Variants in GLCCI1 observed in about 807,000 individuals in gnomAD.
GLCCI1 encodes the protein glucocorticoid induced 1.
A neutral mutation model predicts 52.2 loss-of-function variants in GLCCI1; 24 were observed. The ratio of observed to expected loss-of-function variants is 0.46; its 90% CI spans 0.33 to 0.65. The LOEUF (loss-of-function observed/expected upper bound fraction) is 0.65, where lower values mean the gene tolerates loss of function less well. Ranked by LOEUF, GLCCI1 falls within the 30% of genes least tolerant of loss-of-function variation. The pLI, the probability that GLCCI1 is intolerant of heterozygous loss-of-function variation, is 0.02. For synonymous variants in GLCCI1, 310 were observed against 276.5 expected (o/e 1.12, Z -1.20); for missense variants, 704 against 701.5 (o/e 1.00, Z -0.04).
At chr7:8,024,299 C>T (rs10278864) in intron 3 of GLCCI1, among the ~76,000 whole-genome samples, 2,070 of 152,156 alleles carry the variant, frequency 0.014, 39 homozygotes, top group African/African-American at 0.048. Context: ...ATGTAGAGAC[C>T]TACTCAGCTC....
At chr7:8,074,718 T>C (rs1782838379) in intron 6 of GLCCI1, among the ~76,000 whole-genome samples, 1 of 152,206 alleles carries the variant, frequency 6.6e-6, no homozygotes, top group South Asian at 2.1e-4. Flanking sequence ...CTATAATGTA[T>C]GTTTTCTACA....
intron 3 of GLCCI1, among the ~76,000 whole-genome samples, chr7:8,028,780 G>T (rs780066287): frequency 3.3e-5 from 5 of 151,940 alleles, no homozygotes; most frequent in African/African-American, 1.2e-4. Context: ...CTTTACAGCC[G>T]ATACCACAGA....
chr7:7,986,234 C>T (rs1483008855), intron 1 of GLCCI1, among the ~76,000 whole-genome samples: 2 of 151,842 alleles, frequency 1.3e-5, no homozygotes, highest in African/African-American at 4.8e-5. Flanking sequence ...CTAGTGTGGC[C>T]AGGCACAGTG....
At chr7:8,007,690 T>C (rs528170642) in intron 2 of GLCCI1, among the ~76,000 whole-genome samples, 49 of 152,346 alleles carry the variant, frequency 3.2e-4, no homozygotes, top group African/African-American at 1.2e-3. Context: ...GGTGGTATAC[T>C]CAGCTTGCTA....
At chr7:8,043,079 C>T (rs973927919) in intron 3 of GLCCI1, among the ~76,000 whole-genome samples, 1 of 152,166 alleles carries the variant, frequency 6.6e-6, no homozygotes, top group African/African-American at 2.4e-5. Context: ...TTGTAACTTG[C>T]TGAAGACTCA....
At chr7:8,082,782 C>T (rs553033634) in intron 6 of GLCCI1, among the ~76,000 whole-genome samples, 1 of 152,226 alleles carries the variant, frequency 6.6e-6, no homozygotes, top group African/African-American at 2.4e-5. Flanking sequence ...ATTACTTATT[C>T]TAGATTGTTA....
chr7:7,985,391 C>G (rs1780702242), intron 1 of GLCCI1, among the ~76,000 whole-genome samples: 4 of 152,148 alleles, frequency 2.6e-5, no homozygotes, highest in Admixed American at 2.6e-4. Flanking sequence ...TTCATGATCA[C>G]TTTTTCATAA....
At chr7:8,001,984 A>G (rs912036589) in intron 1 of GLCCI1, among the ~76,000 whole-genome samples, 32 of 152,166 alleles carry the variant, frequency 2.1e-4, no homozygotes, top group African/African-American at 7.2e-4. Flanking sequence ...ATTAGGAGAA[A>G]TCCCTAATGT....
At chr7:8,074,063 T>A (rs1782823209) in intron 6 of GLCCI1, among the ~76,000 whole-genome samples, 1 of 152,220 alleles carries the variant, frequency 6.6e-6, no homozygotes, top group Admixed American at 6.5e-5. Context: ...GTTTATGTAT[T>A]TCAACTGAGG....
intron 1 of GLCCI1, among the ~76,000 whole-genome samples, chr7:7,979,203 C>A (rs981853923): frequency 6.6e-6 from 1 of 152,050 alleles, no homozygotes; most frequent in Non-Finnish European, 1.5e-5. Flanking sequence ...TGCAATATTT[C>A]GATCATAGAG....
chr7:8,033,273 A>G (rs1004515555), intron 3 of GLCCI1, among the ~76,000 whole-genome samples: 3 of 152,088 alleles, frequency 2.0e-5, no homozygotes, highest in African/African-American at 4.8e-5. Context: ...GATAAACTGC[A>G]TTTATGAAAA....
At position 8,086,287 on chromosome 7, in the gene GLCCI1, C is replaced by T. The variant is rs2127970569; in HGVS notation, c.1393C>T (p.Leu465Phe). The T allele has an allele frequency of 1.2e-6, 2 of 1,614,150 alleles. No individual in the cohort carries two copies. Among genetic ancestry groups the T allele is most frequent in the Middle Eastern group, 1.6e-4 (1 of 6,062 alleles). The change falls in exon 8 of 8, where the codon CTT (leucine) becomes TTT (phenylalanine). Residue 465 changes from leucine to phenylalanine, a missense_variant. This residue lies in a region of GLCCI1 where 149 missense variants were observed against 152.9 expected (regional missense o/e 0.97). Coordinates refer to ENST00000223145, the MANE Select transcript of GLCCI1 (RefSeq NM_138426.4). This position sits in a 1 kb window ranked among gnomAD's most constrained non-coding sequence, Gnocchi z 4.4. ...PTGSAFCPVK[L>F]LGPLLPASDL... ...CGGATCAGCTTTCTGTCCTGTAAAACTTCTAGGCCCCCTCTTACCTGCTTC... is the reference window on the plus strand; with the variant it reads ...CGGATCAGCTTTCTGTCCTGTAAAATTTCTAGGCCCCCTCTTACCTGCTTC...
intron 1 of GLCCI1, among the ~76,000 whole-genome samples, chr7:7,982,575 C>G (rs1332206878): frequency 6.6e-6 from 1 of 152,122 alleles, no homozygotes; most frequent in Non-Finnish European, 1.5e-5. Context: ...TATCTGTATA[C>G]TCATCAGCCA....
At chr7:8,016,874 A>G (rs1225306946) in intron 2 of GLCCI1, among the ~76,000 whole-genome samples, 1 of 152,232 alleles carries the variant, frequency 6.6e-6, no homozygotes, top group African/African-American at 2.4e-5. Context: ...TTAAGTGGAC[A>G]GGAAAAGTCT....
intron 3 of GLCCI1, among the ~76,000 whole-genome samples, chr7:8,043,051 G>A (rs1309904249): frequency 6.6e-6 from 1 of 152,176 alleles, no homozygotes; most frequent in Non-Finnish European, 1.5e-5. Context: ...CGAGACAAGA[G>A]CTTCACCATA....
intron 6 of GLCCI1, among the ~76,000 whole-genome samples, chr7:8,075,842 G>A (rs1037261752): frequency 6.6e-6 from 1 of 152,214 alleles, no homozygotes; most frequent in East Asian, 1.9e-4. Context: ...TGAAGGAACA[G>A]TGTACACTAT....
intron 3 of GLCCI1, among the ~76,000 whole-genome samples, chr7:8,049,064 GAA>G (rs1782199356): frequency 6.6e-6 from 1 of 152,152 alleles, no homozygotes; most frequent in African/African-American, 2.4e-5. Context: ...TCAGTGGAAA[GAA>G]GAATAAAATC....
At chr7:8,038,576 A>G (rs139260509) in intron 3 of GLCCI1, among the ~76,000 whole-genome samples, 9 of 152,302 alleles carry the variant, frequency 5.9e-5, no homozygotes, top group Middle Eastern at 3.4e-3. Context: ...AACTGAACCT[A>G]TATCTCTTAT....
intron 2 of GLCCI1, among the ~76,000 whole-genome samples, chr7:8,014,634 T>G (rs187162176): frequency 6.6e-6 from 1 of 152,346 alleles, no homozygotes; most frequent in African/African-American, 2.4e-5. Flanking sequence ...ATAAATATCA[T>G]CTGAATTCTG....
Sources: gnomAD v4.1 joint callset for allele counts (sites outside exome capture counted in the v4.1 genomes callset) on GRCh38, gnomAD v4.1.1 for gene constraint, gnomAD v4.1.1 regional missense constraint, Gnocchi (gnomAD v3.1) non-coding constraint, MANE v1.5 for transcripts, NCBI Gene and HGNC (gene_info 2026-07-23, HGNC 2026-07-21) for gene names.